The following ZRANB3 variants were observed in gnomAD, a reference collection of about 807,000 sequenced individuals.
ZRANB3 encodes the protein zinc finger RANBP2-type containing 3, also known as DNA annealing helicase and endonuclease ZRANB3.
In ZRANB3, 125 loss-of-function variants were observed where a neutral mutation model predicts 133.8. That is an observed-to-expected ratio of 0.93 (90% CI 0.81 to 1.08). ZRANB3 has a LOEUF of 1.08. ZRANB3 is among the 50% of genes least tolerant of loss of function. The pLI, the probability that ZRANB3 is intolerant of heterozygous loss-of-function variation, is 0.00. For missense variants in ZRANB3, 1,229 were observed against 1,275.5 expected (o/e 0.96, Z 0.56); for synonymous variants, 387 against 432.7 (o/e 0.89, Z 1.31).
intron 2 of ZRANB3, among the ~76,000 whole-genome samples, chr2:135,470,153 C>T (rs1161086966): frequency 6.7e-6 from 1 of 148,740 alleles, no homozygotes; most frequent in African/African-American, 2.5e-5. Flanking sequence ...GGCGAAACCC[C>T]ATCTCTACTA....
chr2:135,510,922 G>C, intron 1 of ZRANB3: 1 of 1,049,530 alleles, frequency 9.5e-7, no homozygotes, highest in Non-Finnish European at 1.5e-6. Flanking sequence ...ATGAAGAGTT[G>C]GTGACTGTCA....
chr2:135,457,204 T>C (rs1391118882), intron 2 of ZRANB3, among the ~76,000 whole-genome samples: 2 of 152,228 alleles, frequency 1.3e-5, no homozygotes, highest in African/African-American at 4.8e-5. Context: ...CATTTGTTTG[T>C]CCATGACTAT....
chr2:135,449,528 G>A (rs750907608), intron 2 of ZRANB3, among the ~76,000 whole-genome samples: 21 of 152,124 alleles, frequency 1.4e-4, no homozygotes, highest in Non-Finnish European at 2.8e-4. Flanking sequence ...GCTGAGGCAG[G>A]AGAATCACTT....
chr2:135,494,941 T>A (rs1466762088), intron 2 of ZRANB3, among the ~76,000 whole-genome samples: 1 of 152,172 alleles, frequency 6.6e-6, no homozygotes, highest in Non-Finnish European at 1.5e-5. Flanking sequence ...TATTGTATAA[T>A]AGTTAAATTC....
At chr2:135,424,726 C>CT in intron 2 of ZRANB3, among the ~76,000 whole-genome samples, 1 of 152,276 alleles carries the variant, frequency 6.6e-6, no homozygotes, top group South Asian at 2.1e-4. Context: ...GTGCAAGACT[C>CT]TATCTCAAAA....
intron 8 of ZRANB3, among the ~76,000 whole-genome samples, chr2:135,288,840 T>C (rs1244102993): frequency 6.6e-6 from 1 of 151,878 alleles, no homozygotes; most frequent in Non-Finnish European, 1.5e-5. Flanking sequence ...ACTTTGTTTA[T>C]ATTTTTAAAG....
chr2:135,465,914 A>G (rs898941124), intron 2 of ZRANB3, among the ~76,000 whole-genome samples: 5 of 152,228 alleles, frequency 3.3e-5, no homozygotes, highest in African/African-American at 1.2e-4. Flanking sequence ...AAACACATGA[A>G]AAAAAGCTCA....
At chr2:135,393,623 G>A (rs765737222) in intron 2 of ZRANB3, among the ~76,000 whole-genome samples, 7 of 152,136 alleles carry the variant, frequency 4.6e-5, no homozygotes, top group Non-Finnish European at 1.0e-4. Context: ...TGGTGGATAA[G>A]TGAAAAGGGA....
intron 12 of ZRANB3, among the ~76,000 whole-genome samples, chr2:135,234,867 C>T (rs1695214529): frequency 2.0e-5 from 3 of 152,052 alleles, no homozygotes; most frequent in South Asian, 2.1e-4. Flanking sequence ...CCTAACATCA[C>T]AATTAAAAGA....
At chr2:135,431,287 G>C (rs551905457) in intron 2 of ZRANB3, among the ~76,000 whole-genome samples, 1 of 150,940 alleles carries the variant, frequency 6.6e-6, no homozygotes, top group South Asian at 2.1e-4. Flanking sequence ...GTGAAACCCT[G>C]TCTCAATGTG....
intron 2 of ZRANB3, among the ~76,000 whole-genome samples, chr2:135,467,954 C>T (rs554943251): frequency 6.6e-6 from 1 of 152,322 alleles, no homozygotes. Flanking sequence ...GCTCAATATA[C>T]ATGTGTTGAA....
intron 20 of ZRANB3, among the ~76,000 whole-genome samples, chr2:135,200,872 C>G (rs1385729670): frequency 6.6e-6 from 1 of 151,676 alleles, no homozygotes; most frequent in African/African-American, 2.4e-5. Flanking sequence ...TCTCCAGCCT[C>G]AGCCTCCAGA....
At chr2:135,297,124 G>A (rs1682163880) in intron 8 of ZRANB3, among the ~76,000 whole-genome samples, 1 of 152,248 alleles carries the variant, frequency 6.6e-6, no homozygotes. Flanking sequence ...GGACATTTAA[G>A]TCTGCAGTGG....
intron 2 of ZRANB3, among the ~76,000 whole-genome samples, chr2:135,394,028 T>G (rs1225447359): frequency 4.0e-5 from 6 of 151,688 alleles, no homozygotes; most frequent in Non-Finnish European, 7.4e-5. Flanking sequence ...CAGCTAATTT[T>G]TTTTTTTTTA....
chr2:135,283,817 G>T (rs1326021627), intron 8 of ZRANB3, among the ~76,000 whole-genome samples: 1 of 151,700 alleles, frequency 6.6e-6, no homozygotes, highest in Non-Finnish European at 1.5e-5. Flanking sequence ...TAGGGATGTT[G>T]AAAAATCACT....
intron 2 of ZRANB3, among the ~76,000 whole-genome samples, chr2:135,411,539 G>C: frequency 6.6e-6 from 1 of 152,152 alleles, no homozygotes; most frequent in South Asian, 2.1e-4. Context: ...ACAGTGGACT[G>C]AATAAAGAAA....
At chr2:135,419,872 A>T (rs1688758244) in intron 2 of ZRANB3, among the ~76,000 whole-genome samples, 1 of 151,672 alleles carries the variant, frequency 6.6e-6, no homozygotes, top group Non-Finnish European at 1.5e-5. Context: ...GTTATCAGGC[A>T]TTTGTGTCTA....
intron 2 of ZRANB3, among the ~76,000 whole-genome samples, chr2:135,404,760 G>A (rs543132363): frequency 6.6e-6 from 1 of 152,334 alleles, no homozygotes; most frequent in South Asian, 2.1e-4. Flanking sequence ...TCTCTCGGCA[G>A]AAACTCTACA....
At chr2:135,346,209 G>A (rs151258867) in intron 5 of ZRANB3, among the ~76,000 whole-genome samples, 1,713 of 152,208 alleles carry the variant, frequency 0.011, 26 homozygotes, top group South Asian at 0.021. Context: ...CCATTCTCTC[G>A]CCTCAGCCTC....
Sources: gnomAD v4.1 joint callset for allele counts (sites outside exome capture counted in the v4.1 genomes callset) on GRCh38, gnomAD v4.1.1 for gene constraint, MANE v1.5 for transcripts, NCBI Gene and HGNC (gene_info 2026-07-23, HGNC 2026-07-21) for gene names.